The following MYH3 variants were observed in gnomAD, a reference collection of about 807,000 sequenced individuals.
MYH3 encodes myosin heavy chain 3, also known as myosin-3.
MYH3 carries 130 observed loss-of-function variants against 238.0 expected under a neutral mutation model. The observed-to-expected ratio is 0.55, with a 90% CI of 0.47 to 0.63. The LOEUF is 0.63. Ranked by LOEUF, MYH3 falls within the 30% of genes least tolerant of loss-of-function variation. The probability of loss-of-function intolerance (pLI) is 0.00; values close to 1 mark genes in which losing one functional copy is unlikely to be tolerated. For synonymous variants in MYH3, 880 were observed against 924.1 expected (o/e 0.95, Z 0.86); for missense variants, 1,853 against 2,374.9 (o/e 0.78, Z 4.57).
Position 10,648,512 on chromosome 17 carries a change from T to C in MYH3, c.735+45A>G, listed in dbSNP as rs777969877. The C allele has an allele frequency of 5.2e-5, 79 of 1,528,604 alleles. 1 individual carries two copies. The East Asian group carries it at 1.7e-3, about 33-fold the overall frequency. The allele number at this position is 1,528,604 out of a possible 1,614,324, so 94.7% of individuals were successfully genotyped here. A position where few individuals can be genotyped will look rare whatever the true frequency, so the allele number is the denominator to read the frequency against. Reference sequence around the variant, plus strand: ...TTGAGGACAGGGCTCTTGCCTATTTTGTGAGGCACAAAGCAAATTCCATCT... The same window carrying C: ...TTGAGGACAGGGCTCTTGCCTATTTCGTGAGGCACAAAGCAAATTCCATCT... On this transcript the variant is annotated intron_variant, in intron 8 of 40. Transcript: ENST00000583535.
At chr17:10,655,497 A>G (rs1329830597) in intron 2 of MYH3, among the ~76,000 whole-genome samples, 1 of 152,208 alleles carries the variant, frequency 6.6e-6, no homozygotes, top group Non-Finnish European at 1.5e-5. Flanking sequence ...GGCAAACAGC[A>G]AAGATATTTT....
chr17:10,647,987 C>T (rs774400354), intron 8 of MYH3, among the ~76,000 whole-genome samples: 3 of 152,206 alleles, frequency 2.0e-5, no homozygotes, highest in African/African-American at 7.2e-5. Flanking sequence ...AAAGCAACTA[C>T]AGTGATTGTT....
upstream of MYH3, among the ~76,000 whole-genome samples, chr17:10,660,848 G>A (rs1057252041): frequency 6.6e-6 from 1 of 151,968 alleles, no homozygotes. Context: ...ACCTGAGTGT[G>A]GTGGTGGGTG....
intron 5 of MYH3, 118 bp from the exon 6 acceptor site, chr17:10,650,519 GT>G: frequency 1.1e-6 from 1 of 951,424 alleles, no homozygotes; most frequent in Non-Finnish European, 1.7e-6. Flanking sequence ...TACATTTTTT[GT>G]TTAGCCTTTA....
the MYH3 span, among the ~76,000 whole-genome samples, chr17:10,669,524 G>C: frequency 6.8e-6 from 1 of 147,524 alleles, no homozygotes; most frequent in Non-Finnish European, 1.5e-5. Flanking sequence ...CTGAGACCAC[G>C]CCATTGCCCT....
At chr17:10,649,526 A>C in intron 7 of MYH3, 51 bp downstream of exon 7, 1 of 1,438,248 alleles carries the variant, frequency 7.0e-7, no homozygotes, top group African/African-American at 1.4e-5. Context: ...TCTGAGGTTA[A>C]GACCACAGTT....
At chr17:10,676,737 T>C in the MYH3 span, 1 of 152,212 alleles carries the variant, frequency 6.6e-6, no homozygotes, top group Admixed American at 6.5e-5. Flanking sequence ...AAGTATTATT[T>C]CTTGGTAGTG....
chr17:10,640,284 G>A lies in MYH3; in HGVS notation c.2427-33C>T, dbSNP rs377472807. On this transcript the variant is annotated intron_variant, in intron 21 of 40. Coordinates refer to ENST00000583535, the MANE Select transcript of MYH3 (RefSeq NM_002470.4). ...CAAGACATTGCTTATTTCTGAGAGA[G>A]ACTCCCCTTCCCCAAAGAGCTCATG... 1.8e-5 allele frequency: 29 copies of A among 1,614,056 alleles called. No homozygotes were observed. In the African/African-American group the frequency reaches 2.7e-4, roughly 15 times the overall value.
At chr17:10,635,630 G>A in intron 29 of MYH3, 67 bp from the exon 30 acceptor site, 1 of 1,614,070 alleles carries the variant, frequency 6.2e-7, no homozygotes, top group Non-Finnish European at 8.5e-7. Context: ...CAATCCAAGT[G>A]TGTCCCTTCT....
chr17:10,639,373 A>T lies in MYH3; in HGVS notation c.3027T>A (p.Asp1009Glu). ...CTTTGTCTTCTTCAGCTTGGAGGTC[A>T]TCCAAGGCCTGCTGGTGCGCCTCTT... ...ALQEAHQQAL[D>E]DLQAEEDKVN... is the part of the protein sequence containing the mutation. The change falls in exon 24 of 41, where the codon GAT (aspartate) becomes GAA (glutamate). Residue 1009 changes from aspartate to glutamate, a missense_variant. Transcript: ENST00000583535. 1 of 1,614,118 alleles carries T rather than the reference A, an allele frequency of 6.2e-7. No individual in the cohort carries two copies. Among genetic ancestry groups the T allele is most frequent in the Non-Finnish European group, 8.5e-7 (1 of 1,180,000 alleles).
chr17:10,650,212 G>A (rs935764956), intron 6 of MYH3, among the ~76,000 whole-genome samples, 162 bp downstream of exon 6: 4 of 152,174 alleles, frequency 2.6e-5, no homozygotes, highest in Non-Finnish European at 4.4e-5. Flanking sequence ...CCTGGACCTC[G>A]TGATCCGCCC....
chr17:10,652,521 G>T lies in MYH3; in HGVS notation c.247C>A (p.Pro83Thr). The T allele has an allele frequency of 6.2e-7, 1 of 1,613,410 alleles. No homozygotes were observed. The highest frequency in any genetic ancestry group is 8.5e-7 in the Non-Finnish European group (1 of 1,179,678). ...KPEDVYAMNP[P>T]KFDRIEDMAM... The stretch of plus-strand genomic sequence containing the variant: ...ATGTCTTCGATCCTGTCGAACTTGG[G>T]GGGGTTCATGGCGTACACATCCTCT... Residue 83 changes from proline to threonine, a missense_variant, in exon 4 of 41, where the codon CCC becomes ACC. Transcript: ENST00000583535.
chr17:10,633,021 G>T (rs2074180456), intron 33 of MYH3, among the ~76,000 whole-genome samples: 1 of 152,162 alleles, frequency 6.6e-6, no homozygotes, highest in Admixed American at 6.5e-5. Context: ...AGACCAGCCT[G>T]ACCAATGTAG....
intron 4 of MYH3, chr17:10,652,085 G>C (rs1019094854): frequency 1.5e-5 from 6 of 411,348 alleles, no homozygotes; most frequent in Non-Finnish European, 2.3e-5. Context: ...ACTTATAAAG[G>C]GGGGAGGCTA....
intron 10 of MYH3, 96 bp from the exon 11 acceptor site, chr17:10,646,128 C>T (rs1458208770): frequency 2.2e-5 from 21 of 940,808 alleles, no homozygotes; most frequent in Middle Eastern, 2.1e-4. Context: ...GAACTTTTAC[C>T]GCTGGATCCT....
chr17:10,664,725 C>T, the MYH3 span, among the ~76,000 whole-genome samples: 6 of 152,096 alleles, frequency 3.9e-5, no homozygotes, highest in African/African-American at 1.4e-4. Flanking sequence ...TGGCGGCTAC[C>T]GTCGCAGGCT....
intron 33 of MYH3, 115 bp from the exon 34 acceptor site, chr17:10,632,899 T>A: frequency 8.3e-7 from 1 of 1,206,360 alleles, no homozygotes; most frequent in Non-Finnish European, 1.2e-6. Context: ...CCTACAATAG[T>A]CACAATTCAC....
Position 10,651,628 on chromosome 17 carries a change from T to C in MYH3, c.389A>G (p.Lys130Arg). The C allele has an allele frequency of 6.2e-7, 1 of 1,614,096 alleles. No homozygotes were observed. Among genetic ancestry groups the C allele is most frequent in the East Asian group, 2.2e-5 (1 of 44,884 alleles). Residue 130 changes from lysine to arginine, a missense_variant, in exon 5 of 41, where the codon AAG becomes AGG. Physicochemically the swap from Lys to Arg is conservative, Grantham distance 26 (BLOSUM62 2). Transcript: ENST00000583535. ...CTCGGGGTTGTACACCGGCAGCCAC[T>C]TGTAGGGGTTGACAGTGACACAGAA... ...GLFCVTVNPYKWLPVYNPEVV... is the reference protein window; with the variant it reads ...GLFCVTVNPYRWLPVYNPEVV...
Position 10,655,003 on chromosome 17 carries a change from T to C in MYH3, c.62A>G (p.Glu21Gly), listed in dbSNP as rs1358980010. Residue 21 changes from glutamate (E) to glycine (G), a missense_variant, in exon 3 of 41, where the codon GAA (glutamate) becomes GGA (glycine). By Grantham distance (98) the Glu-to-Gly change is moderately conservative. Transcript: ENST00000583535. ...GIAAPFLRKS[E>G]KERIEAQNQP... Reference sequence around the variant, plus strand: ...GTTCTGAGCCTCGATCCTCTCCTTTTCTGACTTCCGGAGGAAAGGAGCAGC... The same window carrying C: ...GTTCTGAGCCTCGATCCTCTCCTTTCCTGACTTCCGGAGGAAAGGAGCAGC... 6.2e-7 allele frequency: 1 copy of C among 1,614,206 alleles called. No individual in the cohort carries two copies.
Sources: gnomAD v4.1 joint callset for allele counts (sites outside exome capture counted in the v4.1 genomes callset) on GRCh38, gnomAD v4.1.1 for gene constraint, MANE v1.5 for transcripts, NCBI Gene and HGNC (gene_info 2026-07-23, HGNC 2026-07-21) for gene names.